Variants in MCC observed in about 807,000 individuals in gnomAD.
MCC encodes the protein colorectal mutant cancer protein.
A neutral mutation model predicts 116.2 loss-of-function variants in MCC; 90 were observed. The observed-to-expected ratio is 0.77, with a 90% CI of 0.65 to 0.92. The LOEUF is 0.92. Ranked by LOEUF, MCC falls within the 40% of genes least tolerant of loss-of-function variation. The pLI is 0.00. For missense variants in MCC, 1,516 were observed against 1,312.2 expected, an observed-to-expected ratio of 1.16 and a Z score of -2.40; for synonymous variants, 578 against 510.5, an observed-to-expected ratio of 1.13 and a Z score of -1.78.
At chr5:113,096,595 G>C (rs1756040409) in intron 8 of MCC, among the ~76,000 whole-genome samples, 1 of 152,146 alleles carries the variant, frequency 6.6e-6, no homozygotes, top group Admixed American at 6.5e-5. Context: ...TTTATGGTTA[G>C]GTAAAGCCAT....
chr5:113,429,222 G>A (rs537738689), intron 1 of MCC, among the ~76,000 whole-genome samples: 97 of 152,144 alleles, frequency 6.4e-4, no homozygotes, highest in Non-Finnish European at 9.6e-4. Context: ...AATGTGGGTC[G>A]TAAAGGTGGG....
At chr5:113,080,026 T>G (rs1327630395) in intron 11 of MCC, among the ~76,000 whole-genome samples, 1 of 152,214 alleles carries the variant, frequency 6.6e-6, no homozygotes, top group African/African-American at 2.4e-5. Context: ...AGAAGACATT[T>G]ATGCAGCCAA....
intron 1 of MCC, chr5:113,435,300 A>C (rs762480461): frequency 2.9e-4 from 48 of 166,096 alleles, no homozygotes; most frequent in Admixed American, 1.6e-3. Context: ...GGGACAATTA[A>C]TAAAGGTGGG....
chr5:113,198,720 A>AG (rs1184824551), intron 3 of MCC, among the ~76,000 whole-genome samples: 2 of 151,678 alleles, frequency 1.3e-5, no homozygotes, highest in South Asian at 2.1e-4. Flanking sequence ...AAAAAAAAAA[A>AG]AAGAATTAAC....
chr5:113,294,767 T>A (rs2150362753), intron 3 of MCC: 1 of 989,778 alleles, frequency 1.0e-6, no homozygotes, highest in African/African-American at 1.7e-5. Context: ...GGAGGGCACT[T>A]CCCAGCACGA....
intron 3 of MCC, among the ~76,000 whole-genome samples, chr5:113,242,011 C>A (rs78690960): frequency 0.011 from 1,673 of 152,290 alleles, 30 homozygotes; most frequent in African/African-American, 0.038. Context: ...CCAAATCAAA[C>A]AACAGTATAA....
At chr5:113,135,247 C>A (rs898319406) in intron 5 of MCC, among the ~76,000 whole-genome samples, 2 of 146,378 alleles carry the variant, frequency 1.4e-5, no homozygotes, top group African/African-American at 5.0e-5. Context: ...CGGTCTTTTA[C>A]TTCTTTGGTT....
chr5:113,243,708 A>T (rs115899176), intron 3 of MCC, among the ~76,000 whole-genome samples: 1 of 151,988 alleles, frequency 6.6e-6, no homozygotes, highest in Admixed American at 6.6e-5. Flanking sequence ...CACTGGCTCA[A>T]TTGCCTCCTG....
At chr5:113,474,411 T>G (rs1013677602) in intron 1 of MCC, among the ~76,000 whole-genome samples, 1 of 152,198 alleles carries the variant, frequency 6.6e-6, no homozygotes, top group Admixed American at 6.5e-5. Context: ...GGGAGCTGCA[T>G]GTGCACAGCA....
In MCC at chr5:113,044,728, C is replaced by T. The variant is rs184038527; in HGVS notation, c.2656-1098G>A. Among the ~76,000 whole-genome samples the T allele has an allele frequency of 2.0e-5, 3 of 152,296 alleles. 1 individual carries two copies. The East Asian group carries it at 5.8e-4, about 29-fold the overall frequency. ...TAGCTGGGATTACAGGCATGTGCCA[C>T]CACGTCTGGCTAATTTTGTATTTTT... On this transcript the variant is annotated intron_variant, in intron 16 of 18. Transcript: ENST00000408903.
At position 113,043,466 on chromosome 5, in the gene MCC, G is replaced by C. The variant is rs1268362575; in HGVS notation, c.2756+64C>G. The stretch of plus-strand genomic sequence containing the variant: ...CTTCTCCTTTTGGGAGCAGCAAAGA[G>C]AACTCAGAACAAAGTCTCCATGCCC... On this transcript the variant is annotated intron_variant, in intron 17 of 18. Coordinates refer to ENST00000408903, the MANE Select transcript of MCC (RefSeq NM_001085377.2). The C allele has an allele frequency of 3.6e-6, 5 of 1,404,088 alleles. No homozygotes were observed. In the Admixed American group the frequency reaches 9.2e-5, roughly 26 times the overall value. The allele number at this position is 1,404,088 out of a possible 1,614,324, so 87.0% of individuals were successfully genotyped here. A position where few individuals can be genotyped will look rare whatever the true frequency, so the allele number is the denominator to read the frequency against.
intron 3 of MCC, 30 bp from the exon 4 acceptor site, chr5:113,151,452 T>A (rs774809009): frequency 2.0e-5 from 24 of 1,228,294 alleles, no homozygotes; most frequent in Non-Finnish European, 2.4e-5. Context: ...GAGATTAGAG[T>A]ATTGTAGCAG....
chr5:113,297,968 T>C (rs893173617), intron 3 of MCC, among the ~76,000 whole-genome samples: 1 of 151,900 alleles, frequency 6.6e-6, no homozygotes, highest in Non-Finnish European at 1.5e-5. Context: ...GTATCATGAG[T>C]TTGAGGTGGC....
intron 11 of MCC, among the ~76,000 whole-genome samples, chr5:113,075,777 C>G (rs893078274): frequency 6.6e-6 from 1 of 152,196 alleles, no homozygotes; most frequent in Non-Finnish European, 1.5e-5. Flanking sequence ...AAGCTTTGTT[C>G]TCTTGCTCTT....
chr5:113,310,862 T>C (rs189714999), intron 3 of MCC, among the ~76,000 whole-genome samples: 1 of 152,318 alleles, frequency 6.6e-6, no homozygotes, highest in East Asian at 1.9e-4. Context: ...GACAACTGCA[T>C]TAAATTAATG....
chr5:113,039,299 T>C (rs535414943), intron 17 of MCC, among the ~76,000 whole-genome samples: 3 of 152,346 alleles, frequency 2.0e-5, no homozygotes, highest in Admixed American at 6.5e-5. Context: ...TGCTCCTGCC[T>C]TGGCCTCCCC....
intron 2 of MCC, among the ~76,000 whole-genome samples, chr5:113,347,897 A>G (rs1039640618): frequency 2.0e-5 from 3 of 152,152 alleles, no homozygotes; most frequent in Non-Finnish European, 4.4e-5. Context: ...AAGATATTCC[A>G]TGCCAATGGA....
At chr5:113,424,551 C>T (rs1770433668) in intron 1 of MCC, among the ~76,000 whole-genome samples, 1 of 152,048 alleles carries the variant, frequency 6.6e-6, no homozygotes, top group South Asian at 2.1e-4. Flanking sequence ...ACCATCTCTA[C>T]TAAAAATACA....
At chr5:113,382,430 C>T (rs557199907) in intron 2 of MCC, among the ~76,000 whole-genome samples, 2 of 152,108 alleles carry the variant, frequency 1.3e-5, no homozygotes, top group East Asian at 1.9e-4. Context: ...ACCACTGCAC[C>T]TGGCTAACTT....
Sources: allele counts gnomAD v4.1 joint callset (sites outside exome capture counted in the v4.1 genomes callset), GRCh38; gene constraint gnomAD v4.1.1; transcripts MANE v1.5; gene names NCBI Gene and HGNC (gene_info 2026-07-23, HGNC 2026-07-21).